Variants in SLC9D1 observed in about 807,000 individuals in gnomAD.
SLC9D1 encodes solute carrier family 9 member D1, also known as putative LAG1-interacting protein.
chr13:113,533,707 G>A, the SLC9D1 span, among the ~76,000 whole-genome samples: 6 of 152,324 alleles, frequency 3.9e-5, no homozygotes, highest in East Asian at 5.8e-4. Flanking sequence ...GCTGCCTGGC[G>A]GAGACTTTGA....
the SLC9D1 span, chr13:113,536,720 C>A: frequency 5.4e-6 from 1 of 184,742 alleles, no homozygotes; most frequent in Non-Finnish European, 1.0e-5. Context: ...CCCGATGCCA[C>A]AATGTATTCT....
At chr13:113,549,557 C>T in the SLC9D1 span, 15 of 1,613,654 alleles carry the variant, frequency 9.3e-6, no homozygotes, top group Admixed American at 3.3e-5. Flanking sequence ...AGATGATGGA[C>T]CGTGGAAGGG....
the SLC9D1 span, chr13:113,534,531 G>A: frequency 4.5e-6 from 2 of 442,294 alleles, no homozygotes; most frequent in Admixed American, 4.0e-5. Flanking sequence ...GCTCACACCT[G>A]TAGTCCTAGC....
the SLC9D1 span, among the ~76,000 whole-genome samples, chr13:113,535,651 G>A: frequency 2.6e-5 from 4 of 152,194 alleles, no homozygotes; most frequent in Non-Finnish European, 5.9e-5. This position sits in a 1 kb window ranked among gnomAD's most constrained non-coding sequence, Gnocchi z 4.1. Flanking sequence ...TCCGAGAACT[G>A]CGCAGAGTGG....
At chr13:113,491,725 G>C in the SLC9D1 span, among the ~76,000 whole-genome samples, 10,088 of 152,220 alleles carry the variant, frequency 0.066, 383 homozygotes, top group Non-Finnish European at 0.078. Context: ...GGTGGACTCG[G>C]GGCCTCCAGG....
At chr13:113,525,671 G>A in the SLC9D1 span, among the ~76,000 whole-genome samples, 1 of 150,540 alleles carries the variant, frequency 6.6e-6, no homozygotes, top group Admixed American at 6.6e-5. Context: ...CATAGGAGAC[G>A]ACAGCTCTGT....
the SLC9D1 span, among the ~76,000 whole-genome samples, chr13:113,544,451 G>T: frequency 2.0e-5 from 3 of 152,248 alleles, no homozygotes; most frequent in Non-Finnish European, 1.5e-5. Flanking sequence ...ACTAGATGAG[G>T]GTTCGCCAGC....
At chr13:113,515,618 A>G in the SLC9D1 span, among the ~76,000 whole-genome samples, 28,152 of 152,062 alleles carry the variant, frequency 0.19, 3,441 homozygotes, top group African/African-American at 0.35. Flanking sequence ...GTGGCTGGGC[A>G]CGGTGGCTCA....
At chr13:113,514,161 C>T in the SLC9D1 span, 2 of 152,178 alleles carry the variant, frequency 1.3e-5, no homozygotes, top group Non-Finnish European at 2.9e-5. Context: ...ACATATGACA[C>T]ATTTGACTTT....
At chr13:113,503,840 A>G in the SLC9D1 span, 4 of 467,338 alleles carry the variant, frequency 8.6e-6, no homozygotes, top group African/African-American at 2.0e-5. Context: ...CTGGAAAGTA[A>G]TGTGTGTGAA....
the SLC9D1 span, among the ~76,000 whole-genome samples, chr13:113,519,206 G>C: frequency 1.3e-5 from 2 of 152,080 alleles, no homozygotes; most frequent in Non-Finnish European, 2.9e-5. Context: ...ACCATGCCCA[G>C]CTAATTTTTT....
At chr13:113,531,540 C>T in the SLC9D1 span, among the ~76,000 whole-genome samples, 2 of 149,642 alleles carry the variant, frequency 1.3e-5, no homozygotes, top group African/African-American at 5.0e-5. Context: ...AGATCAAGAG[C>T]AGCACACGCG....
At chr13:113,507,501 A>G in the SLC9D1 span, among the ~76,000 whole-genome samples, 2 of 152,156 alleles carry the variant, frequency 1.3e-5, no homozygotes, top group Non-Finnish European at 2.9e-5. Context: ...TACTTGCCAG[A>G]AGGCCCCTCT....
the SLC9D1 span, among the ~76,000 whole-genome samples, chr13:113,537,764 C>T: frequency 5.3e-5 from 8 of 152,162 alleles, no homozygotes; most frequent in East Asian, 1.9e-4. Flanking sequence ...AGGTGAGCTT[C>T]GGTTGTGTTG....
chr13:113,507,771 A>AT, the SLC9D1 span, among the ~76,000 whole-genome samples: 2 of 152,192 alleles, frequency 1.3e-5, no homozygotes, highest in Non-Finnish European at 2.9e-5. Flanking sequence ...CTAACTACAA[A>AT]TACCTGTTGA....
chr13:113,521,271 G>GT, the SLC9D1 span, among the ~76,000 whole-genome samples: 1 of 151,182 alleles, frequency 6.6e-6, no homozygotes, highest in Non-Finnish European at 1.5e-5. Flanking sequence ...TGGTATGTCT[G>GT]TGGGGGGGTA....
the SLC9D1 span, among the ~76,000 whole-genome samples, chr13:113,515,218 A>T: frequency 2.0e-5 from 3 of 152,230 alleles, no homozygotes; most frequent in Non-Finnish European, 4.4e-5. Context: ...AGTAGCAAAA[A>T]ATTAATCAAC....
chr13:113,502,772 C>T, the SLC9D1 span, among the ~76,000 whole-genome samples: 2 of 152,196 alleles, frequency 1.3e-5, no homozygotes, highest in East Asian at 3.9e-4. Context: ...GGAGTGCAGC[C>T]TGCTCCCTCC....
the SLC9D1 span, chr13:113,534,185 G>A: frequency 6.2e-7 from 1 of 1,614,002 alleles, no homozygotes; most frequent in South Asian, 1.1e-5. Flanking sequence ...GAAAGCAAGG[G>A]GAACAAAGAA....
Sources: gnomAD v4.1 joint callset for allele counts (sites outside exome capture counted in the v4.1 genomes callset) on GRCh38, gnomAD v4.1.1 for gene constraint, Gnocchi (gnomAD v3.1) non-coding constraint, MANE v1.5 for transcripts, NCBI Gene and HGNC (gene_info 2026-07-23, HGNC 2026-07-21) for gene names.